The following SGCZ variants were observed in gnomAD, a reference collection of about 807,000 sequenced individuals.
The protein encoded by SGCZ is sarcoglycan zeta.
A neutral mutation model predicts 41.3 loss-of-function variants in SGCZ; 40 were observed. That is an observed-to-expected ratio of 0.97 (90% CI 0.75 to 1.26). The LOEUF (loss-of-function observed/expected upper bound fraction) is 1.26. SGCZ is among the 50% of genes most tolerant of loss of function. The pLI is 0.00. For synonymous variants in SGCZ, 206 were observed against 137.5 expected (o/e 1.50, Z -3.49); for missense variants, 552 against 369.8 (o/e 1.49, Z -4.04).
At position 14,404,309 on chromosome 8, in the gene SGCZ, A is replaced by G. The variant is rs79588371; in HGVS notation, c.235-80105T>C. 6.3e-3 allele frequency among the ~76,000 whole-genome samples: 953 copies of G among 152,304 alleles called. 5 individuals carry two copies. Among genetic ancestry groups the G allele is most frequent in the Admixed American group, 0.012 (191 of 15,292 alleles). On this transcript the variant is annotated intron_variant, in intron 2 of 7. Transcript: ENST00000382080. ...AGGATTATATTATGCCAAATAAATTACTTAATAAATGCCATGAATGTCCAT... is the reference window on the plus strand; with the variant it reads ...AGGATTATATTATGCCAAATAAATTGCTTAATAAATGCCATGAATGTCCAT...
intron 4 of SGCZ, among the ~76,000 whole-genome samples, chr8:14,209,715 A>G (rs1805736913): frequency 6.6e-6 from 1 of 152,198 alleles, no homozygotes; most frequent in African/African-American, 2.4e-5. Context: ...TGACATATTT[A>G]TAGAAAAAAC....
chr8:14,143,140 A>C (rs1208211730), intron 5 of SGCZ, among the ~76,000 whole-genome samples: 1 of 152,182 alleles, frequency 6.6e-6, no homozygotes, highest in African/African-American at 2.4e-5. Flanking sequence ...ATATCTCAGG[A>C]AACTAGAAAT....
intron 3 of SGCZ, among the ~76,000 whole-genome samples, chr8:14,285,204 A>G (rs576370610): frequency 8.3e-4 from 126 of 152,290 alleles, no homozygotes; most frequent in African/African-American, 2.9e-3. Flanking sequence ...GCTGTTCCAC[A>G]TAAAATATAT....
intron 1 of SGCZ, among the ~76,000 whole-genome samples, chr8:14,728,126 G>C (rs1376053824): frequency 6.6e-6 from 1 of 152,064 alleles, no homozygotes; most frequent in Non-Finnish European, 1.5e-5. Flanking sequence ...GAACTTTCTG[G>C]GGTGATAAAT....
At chr8:14,526,718 G>C (rs754660217) in intron 2 of SGCZ, among the ~76,000 whole-genome samples, 1 of 152,074 alleles carries the variant, frequency 6.6e-6, no homozygotes, top group South Asian at 2.1e-4. Context: ...CTGAGAGTGT[G>C]AAATGCATAT....
intron 1 of SGCZ, among the ~76,000 whole-genome samples, chr8:14,759,646 T>C (rs150119707): frequency 2.2e-4 from 34 of 152,282 alleles, no homozygotes; most frequent in African/African-American, 7.9e-4. Context: ...CTGACAGATC[T>C]ACAGCTGCCA....
At chr8:15,040,690 T>C (rs527827521) in intron 1 of SGCZ, among the ~76,000 whole-genome samples, 59 of 152,340 alleles carry the variant, frequency 3.9e-4, no homozygotes, top group Non-Finnish European at 7.2e-4. Context: ...GTACTGCTTT[T>C]ATTTGAAATA....
intron 4 of SGCZ, among the ~76,000 whole-genome samples, chr8:14,179,431 A>C (rs910796907): frequency 3.9e-5 from 6 of 152,202 alleles, no homozygotes; most frequent in Non-Finnish European, 7.3e-5. Flanking sequence ...AGGAGGGCCT[A>C]CAGTGGACTT....
intron 1 of SGCZ, among the ~76,000 whole-genome samples, chr8:14,669,710 A>G (rs1277118528): frequency 6.6e-6 from 1 of 151,800 alleles, no homozygotes; most frequent in East Asian, 1.9e-4. Context: ...ACACACACAC[A>G]CACACACACA....
At chr8:15,150,120 G>A (rs548567090) in intron 1 of SGCZ, among the ~76,000 whole-genome samples, 2 of 152,168 alleles carry the variant, frequency 1.3e-5, no homozygotes, top group South Asian at 2.1e-4. Flanking sequence ...ATTTTTGAGC[G>A]ATTTTCATTT....
chr8:15,103,505 G>C (rs938066528), intron 1 of SGCZ, among the ~76,000 whole-genome samples: 1 of 152,184 alleles, frequency 6.6e-6, no homozygotes, highest in Admixed American at 6.5e-5. Flanking sequence ...GAAATAAAAA[G>C]AGAGAGTTAT....
intron 1 of SGCZ, among the ~76,000 whole-genome samples, chr8:14,636,043 T>C (rs947772572): frequency 1.3e-5 from 2 of 151,754 alleles, no homozygotes; most frequent in African/African-American, 4.8e-5. Flanking sequence ...CCTAATTATT[T>C]TGACGAAACT....
intron 1 of SGCZ, among the ~76,000 whole-genome samples, chr8:14,778,209 G>A (rs1482471852): frequency 6.6e-6 from 1 of 152,088 alleles, no homozygotes; most frequent in Non-Finnish European, 1.5e-5. Context: ...ACAGGCATGA[G>A]CCAGCTAAAA....
chr8:14,540,248 T>TA, intron 2 of SGCZ, among the ~76,000 whole-genome samples: 1 of 92,492 alleles, frequency 1.1e-5, no homozygotes, highest in South Asian at 4.1e-4. Context: ...TTTTTTTTTT[T>TA]ACAAATTTCT....
intron 4 of SGCZ, among the ~76,000 whole-genome samples, chr8:14,196,884 T>C (rs950027392): frequency 1.3e-5 from 2 of 151,982 alleles, no homozygotes; most frequent in Admixed American, 6.6e-5. Flanking sequence ...AAATTCTAAT[T>C]TAAAGCAAAT....
At chr8:15,073,205 T>A (rs1805417564) in intron 1 of SGCZ, among the ~76,000 whole-genome samples, 1 of 152,160 alleles carries the variant, frequency 6.6e-6, no homozygotes, top group Non-Finnish European at 1.5e-5. Flanking sequence ...TTTGGTGCTG[T>A]TATTTTTCAC....
At chr8:14,570,723 C>G (rs553196645) in intron 1 of SGCZ, among the ~76,000 whole-genome samples, 2 of 152,082 alleles carry the variant, frequency 1.3e-5, no homozygotes, top group Non-Finnish European at 2.9e-5. Flanking sequence ...AACAAATATT[C>G]AATATTCAAT....
chr8:15,109,796 A>C (rs926444737), intron 1 of SGCZ, among the ~76,000 whole-genome samples: 2 of 152,140 alleles, frequency 1.3e-5, no homozygotes, highest in African/African-American at 4.8e-5. Flanking sequence ...TTGCTGTTAA[A>C]ATTACAGGTG....
At chr8:14,126,788 G>A (rs1235620129) in intron 5 of SGCZ, among the ~76,000 whole-genome samples, 3 of 152,152 alleles carry the variant, frequency 2.0e-5, no homozygotes, top group African/African-American at 4.8e-5. Flanking sequence ...TATACACCAC[G>A]GAATACTATG....
Sources: allele counts gnomAD v4.1 joint callset (sites outside exome capture counted in the v4.1 genomes callset), GRCh38; gene constraint gnomAD v4.1.1; transcripts MANE v1.5; gene names NCBI Gene and HGNC (gene_info 2026-07-23, HGNC 2026-07-21).